The following GZMM variants were observed in gnomAD, a reference collection of about 807,000 sequenced individuals.
GZMM encodes HU-Met-1.
Under a neutral mutation model 19.2 loss-of-function variants are expected in GZMM, and 23 were observed. The observed-to-expected ratio is 1.20, with a 90% CI of 0.86 to 1.69. The LOEUF (loss-of-function observed/expected upper bound fraction) is 1.69, where lower values mean the gene tolerates loss of function less well. Among genes scored for constraint, GZMM ranks in the 40% most tolerant of loss-of-function variants. The probability of loss-of-function intolerance (pLI) is 0.00; values close to 1 mark genes in which losing one functional copy is unlikely to be tolerated. For synonymous variants in GZMM, 178 were observed against 160.2 expected, an observed-to-expected ratio of 1.11 and a Z score of -0.84; for missense variants, 373 against 352.2, an observed-to-expected ratio of 1.06 and a Z score of -0.47.
chr19:549,562 G>C, intron 4 of GZMM, 68 bp from the exon 5 acceptor site: 1 of 1,491,936 alleles, frequency 6.7e-7, no homozygotes, highest in South Asian at 1.2e-5. Flanking sequence ...TGCTCCCCTC[G>C]GCGGGCCCTG....
intron 1 of GZMM, among the ~76,000 whole-genome samples, chr19:545,968 C>T (rs977998928): frequency 4.6e-5 from 7 of 151,730 alleles, no homozygotes; most frequent in South Asian, 2.1e-4. Context: ...TTAGTACAGA[C>T]GGGGTTTTAC....
chr19:548,473 C>T (rs1980368449), intron 2 of GZMM, 69 bp from the exon 3 acceptor site: 15 of 1,514,772 alleles, frequency 9.9e-6, no homozygotes, highest in Non-Finnish European at 1.8e-6. Context: ...ACAGTGGGGG[C>T]CGGGACTGCA....
At position 549,033 on chromosome 19, in the gene GZMM, C is replaced by CA; in HGVS notation, c.461dup (p.His154GlnfsTer24). 6.2e-7 allele frequency: 1 copy of CA among 1,600,342 alleles called. No individual in the cohort carries two copies. Among genetic ancestry groups the CA allele is most frequent in the Non-Finnish European group, 8.5e-7 (1 of 1,175,208 alleles). ...CAGCATGGCCGGCTGGGGGCTGACC[C>CA]ACCAGGGCGGGCGCCTGTCCCGGGT... On this transcript the variant is annotated frameshift_variant, in exon 4 of 5. Coordinates refer to ENST00000264553, the MANE Select transcript of GZMM (RefSeq NM_005317.4). LOFTEE classifies it high-confidence loss of function.
intron 1 of GZMM, 38 bp downstream of exon 1, chr19:544,164 C>A (rs890267866): frequency 2.0e-6 from 3 of 1,522,954 alleles, no homozygotes; most frequent in Non-Finnish European, 2.7e-6. Context: ...ACACTGAGGC[C>A]CAGCGCTCTC....
At chr19:545,175 C>T (rs1263931566) in intron 1 of GZMM, among the ~76,000 whole-genome samples, 2 of 151,952 alleles carry the variant, frequency 1.3e-5, no homozygotes, top group Non-Finnish European at 2.9e-5. Context: ...GGCCTGCCCT[C>T]CTGTCTGACT....
chr19:549,174 G>C lies in GZMM; in HGVS notation c.601G>C (p.Ala201Pro). The change falls in exon 4 of 5, where the codon GCT becomes CCT. Residue 201 changes from alanine to proline, a missense_variant. Physicochemically the swap from Ala to Pro is conservative, Grantham distance 27. Transcript: ENST00000264553. Reference sequence around the variant, plus strand: ...CCTGGCGGCCGACTCCAAGGACCAGGCTCCCTGCAAGGTGAGGGGCGCCCG... The same window carrying C: ...CCTGGCGGCCGACTCCAAGGACCAGCCTCCCTGCAAGGTGAGGGGCGCCCG... Reference protein sequence around the residue: ...VCLAADSKDQAPCKGDSGGPL... With the variant: ...VCLAADSKDQPPCKGDSGGPL... The C allele has an allele frequency of 6.4e-7, 1 of 1,573,438 alleles. No homozygotes were observed. Among genetic ancestry groups the C allele is most frequent in the South Asian group, 1.2e-5 (1 of 85,848 alleles).
rs770415036 is a variant in GZMM, at chr19:549,657, G to A, written c.640G>A (p.Gly214Ser). 12 of 1,613,288 alleles carry A rather than the reference G, an allele frequency of 7.4e-6. No homozygotes were observed. The Admixed American group carries it at 8.3e-5, about 11-fold the overall frequency. The part of the protein sequence containing the change: ...KGDSGGPLVC[G>S]KGRVLARVLS... ...TGACTCGGGCGGGCCCCTGGTGTGT[G>A]GCAAAGGCCGGGTGTTGGCCAGAGT... Residue 214 changes from glycine to serine, a missense_variant, in exon 5 of 5, where the codon GGC (glycine) becomes AGC (serine). Transcript: ENST00000264553.
rs182004319 is a variant in GZMM, at chr19:546,272, C to T, written c.56-1008C>T. ...CTACATTTCTTGCTGGGCACAGTGGCTCACGCCTGTCATCCCAGCACTTTG... is the reference window on the plus strand; with the variant it reads ...CTACATTTCTTGCTGGGCACAGTGGTTCACGCCTGTCATCCCAGCACTTTG... On this transcript the variant is annotated intron_variant, in intron 1 of 4. Coordinates refer to ENST00000264553, the MANE Select transcript of GZMM (RefSeq NM_005317.4). Among the ~76,000 whole-genome samples the T allele has an allele frequency of 5.9e-3, 900 of 152,280 alleles. 34 individuals carry two copies. Among genetic ancestry groups the T allele is most frequent in the Admixed American group, 0.054 (827 of 15,298 alleles).
chr19:549,186 G>A lies in GZMM; in HGVS notation c.612+1G>A. The stretch of plus-strand genomic sequence containing the variant: ...CTCCAAGGACCAGGCTCCCTGCAAG[G>A]TGAGGGGCGCCCGGGTGGGGCTGGG... On this transcript the variant is annotated splice_donor_variant, in intron 4 of 4. Transcript: ENST00000264553. LOFTEE classifies it high-confidence loss of function. 13 of 1,567,206 alleles carry A rather than the reference G, an allele frequency of 8.3e-6. No individual in the cohort carries two copies. Among genetic ancestry groups the A allele is most frequent in the Non-Finnish European group, 1.1e-5 (13 of 1,155,906 alleles).
chr19:544,871 T>TC (rs1980206096), intron 1 of GZMM, among the ~76,000 whole-genome samples: 1 of 140,152 alleles, frequency 7.1e-6, no homozygotes, highest in South Asian at 2.4e-4. Context: ...CGTTCCCCCT[T>TC]CCTTCCCTCC....
rs201550779 is a variant in GZMM at position 548,927 on chromosome 19, C to T, written c.354C>T (p.Asp118=). The change falls in exon 4 of 5, where the codon GAC becomes GAT. Residue 118 remains aspartate (D), a synonymous_variant. Transcript: ENST00000264553. ...LENDLALLQL[D]GKVKPSRTIR... ...CCCCTTCCTGTCACTCGTAGCTGGACGGGAAAGTGAAGCCCAGCCGGACCA... is the reference window on the plus strand; with the variant it reads ...CCCCTTCCTGTCACTCGTAGCTGGATGGGAAAGTGAAGCCCAGCCGGACCA... 2.5e-5 allele frequency: 39 copies of T among 1,567,820 alleles called. No homozygotes were observed. Among genetic ancestry groups the T allele is most frequent in the Non-Finnish European group, 3.2e-5 (37 of 1,154,402 alleles).
intron 1 of GZMM, 82 bp from the exon 2 acceptor site, chr19:547,198 C>A: frequency 7.7e-7 from 1 of 1,302,516 alleles, no homozygotes; most frequent in Non-Finnish European, 1.0e-6. Context: ...GGGTCCTGGG[C>A]CTCTGAGCTG....
At chr19:545,479 C>T (rs990677770) in intron 1 of GZMM, among the ~76,000 whole-genome samples, 4 of 152,116 alleles carry the variant, frequency 2.6e-5, no homozygotes, top group Non-Finnish European at 5.9e-5. Context: ...TCCCGAGTAG[C>T]TGGGATTACA....
chr19:548,690 G>A lies in GZMM; in HGVS notation c.348+13G>A, dbSNP rs765560206. The A allele has an allele frequency of 4.3e-6, 7 of 1,611,408 alleles. No homozygotes were observed. The highest frequency in any genetic ancestry group is 3.3e-5 in the South Asian group (3 of 91,042). Reference sequence around the variant, plus strand: ...CGCGCTGCTTCAGGTGTGCAGGGACGGGACAGGGAGAACTGGGCACCCTCC... The same window carrying A: ...CGCGCTGCTTCAGGTGTGCAGGGACAGGACAGGGAGAACTGGGCACCCTCC... On this transcript the variant is annotated intron_variant, in intron 3 of 4. Coordinates refer to ENST00000264553, the MANE Select transcript of GZMM (RefSeq NM_005317.4).
chr19:547,609 G>C (rs535836290), intron 2 of GZMM, among the ~76,000 whole-genome samples, 173 bp downstream of exon 2: 1 of 152,210 alleles, frequency 6.6e-6, no homozygotes, highest in Non-Finnish European at 1.5e-5. Context: ...CCTGGAGAAG[G>C]TTTACTCCTT....
chr19:548,871 C>A lies in GZMM; in HGVS notation c.349-51C>A, dbSNP rs188830254. ...TCCCCCCGCTGCCGCCCCCCGCCCCCGCACTCTCACCCCCTCCCCCTGCTC... is the reference window on the plus strand; with the variant it reads ...TCCCCCCGCTGCCGCCCCCCGCCCCAGCACTCTCACCCCCTCCCCCTGCTC... On this transcript the variant is annotated intron_variant, in intron 3 of 4. Coordinates refer to ENST00000264553, the MANE Select transcript of GZMM (RefSeq NM_005317.4). 4.4e-4 allele frequency: 508 copies of A among 1,150,428 alleles called. 5 individuals carry two copies. The African/African-American group carries it at 7.7e-3, about 17-fold the overall frequency. 71.3% of individuals were successfully genotyped at this position (1,150,428 alleles called of 1,614,324 possible).
rs201550779 is a variant in GZMM, at chr19:548,927, C to A, written c.354C>A (p.Asp118Glu). Residue 118 changes from aspartate (D) to glutamate (E), a missense_variant, in exon 4 of 5, where the codon GAC (aspartate) becomes GAA (glutamate). Physicochemically the swap from Asp to Glu is conservative, Grantham distance 45 (BLOSUM62 2). Transcript: ENST00000264553. ...LENDLALLQL[D>E]GKVKPSRTIR... ...CCCCTTCCTGTCACTCGTAGCTGGA[C>A]GGGAAAGTGAAGCCCAGCCGGACCA... 12 of 1,567,932 alleles carry A rather than the reference C, an allele frequency of 7.7e-6. No homozygotes were observed. In the South Asian group the frequency reaches 1.3e-4, roughly 17 times the overall value.
intron 1 of GZMM, among the ~76,000 whole-genome samples, chr19:544,832 T>G (rs913057495): frequency 1.4e-5 from 2 of 147,976 alleles, no homozygotes; most frequent in Non-Finnish European, 1.5e-5. Context: ...TACCCATGGG[T>G]CCATCATCCA....
chr19:549,299 C>A, intron 4 of GZMM, 114 bp downstream of exon 4: 1 of 1,048,360 alleles, frequency 9.5e-7, no homozygotes, highest in Non-Finnish European at 1.3e-6. Context: ...CTGTCAGGGG[C>A]TGGGGGGCGG....
Sources: gnomAD v4.1 joint callset for allele counts (sites outside exome capture counted in the v4.1 genomes callset) on GRCh38, gnomAD v4.1.1 for gene constraint, MANE v1.5 for transcripts, NCBI Gene and HGNC (gene_info 2026-07-23, HGNC 2026-07-21) for gene names.